Variants in LRBA observed in about 807,000 individuals in gnomAD.
LRBA encodes the protein LPS responsive beige-like anchor protein, also known as lipopolysaccharide-responsive and beige-like anchor protein.
In LRBA, 176 loss-of-function variants were observed where a neutral mutation model predicts 330.0. The ratio of observed to expected loss-of-function variants is 0.53; its 90% CI spans 0.47 to 0.60. The LOEUF (loss-of-function observed/expected upper bound fraction) is 0.60, where lower values mean the gene tolerates loss of function less well. LRBA is among the 20% of genes least tolerant of loss of function. The probability of loss-of-function intolerance (pLI) is 0.00; values close to 1 mark genes in which losing one functional copy is unlikely to be tolerated. For missense variants in LRBA, 3,259 were observed against 3,444.8 expected (o/e 0.95, Z 1.35); for synonymous variants, 1,230 against 1,193.0 (o/e 1.03, Z -0.64).
At chr4:150,549,578 G>A (rs948576909) in intron 40 of LRBA, among the ~76,000 whole-genome samples, 10 of 152,146 alleles carry the variant, frequency 6.6e-5, no homozygotes, top group South Asian at 4.1e-4. Context: ...TGATCTGCCC[G>A]CCTCGGCCTC....
intron 37 of LRBA, among the ~76,000 whole-genome samples, chr4:150,669,710 C>T (rs1368481676): frequency 6.6e-6 from 1 of 151,998 alleles, no homozygotes; most frequent in Non-Finnish European, 1.5e-5. Context: ...AGATTACAGT[C>T]ATGCACCACC....
At chr4:150,453,380 T>C (rs933084060) in intron 44 of LRBA, among the ~76,000 whole-genome samples, 9 of 152,186 alleles carry the variant, frequency 5.9e-5, no homozygotes, top group African/African-American at 1.9e-4. Context: ...TATGGCCGAT[T>C]GATTTCCAAC....
At chr4:150,498,457 T>G (rs1034261760) in intron 40 of LRBA, among the ~76,000 whole-genome samples, 4 of 152,196 alleles carry the variant, frequency 2.6e-5, no homozygotes, top group African/African-American at 7.2e-5. Flanking sequence ...TCATTTTTAA[T>G]TCAGTTTTTA....
At chr4:150,661,750 A>G (rs553226337) in intron 37 of LRBA, among the ~76,000 whole-genome samples, 27 of 152,020 alleles carry the variant, frequency 1.8e-4, no homozygotes, top group Admixed American at 5.9e-4. Flanking sequence ...AGCTGGGATT[A>G]CAGGAGCCCA....
chr4:150,787,687 T>C (rs531267802), intron 34 of LRBA, among the ~76,000 whole-genome samples: 3 of 152,134 alleles, frequency 2.0e-5, no homozygotes, highest in East Asian at 3.9e-4. Context: ...ACTTTTTTCA[T>C]TGTTGTAAAA....
chr4:151,007,984 T>A (rs1744309613), intron 2 of LRBA, among the ~76,000 whole-genome samples: 1 of 152,126 alleles, frequency 6.6e-6, no homozygotes, highest in African/African-American at 2.4e-5. Flanking sequence ...ACACAGGATG[T>A]AAATGCTTTA....
At chr4:150,381,374 C>T (rs1742239715) in intron 47 of LRBA, among the ~76,000 whole-genome samples, 1 of 152,208 alleles carries the variant, frequency 6.6e-6, no homozygotes, top group African/African-American at 2.4e-5. Flanking sequence ...CACCCTCACA[C>T]CCTGACAACC....
At chr4:150,776,498 G>T (rs1737351065) in intron 34 of LRBA, among the ~76,000 whole-genome samples, 2 of 152,122 alleles carry the variant, frequency 1.3e-5, no homozygotes, top group Admixed American at 1.3e-4. Flanking sequence ...TTTATTTGAT[G>T]AAAAATAAAT....
At chr4:150,484,337 C>T (rs564778720) in intron 42 of LRBA, among the ~76,000 whole-genome samples, 1 of 151,912 alleles carries the variant, frequency 6.6e-6, no homozygotes, top group Non-Finnish European at 1.5e-5. Flanking sequence ...AATTCAATTT[C>T]CTTTGTAGAA....
intron 2 of LRBA, among the ~76,000 whole-genome samples, chr4:151,005,895 T>C (rs918290875): frequency 8.1e-5 from 12 of 147,872 alleles, no homozygotes; most frequent in Non-Finnish European, 1.6e-4. Context: ...TGAGCCACCA[T>C]GCCCGGCAAC....
intron 44 of LRBA, among the ~76,000 whole-genome samples, chr4:150,463,688 C>T (rs1185914617): frequency 6.6e-6 from 1 of 151,902 alleles, no homozygotes; most frequent in Non-Finnish European, 1.5e-5. Flanking sequence ...AAGTATTTCA[C>T]AAGTTCCTTA....
At chr4:150,718,888 A>G (rs1019916904) in intron 36 of LRBA, among the ~76,000 whole-genome samples, 2 of 152,132 alleles carry the variant, frequency 1.3e-5, no homozygotes, top group African/African-American at 2.4e-5. Flanking sequence ...AACCAAATTC[A>G]TAGATTAGTA....
intron 2 of LRBA, among the ~76,000 whole-genome samples, chr4:150,978,128 T>C (rs564206323): frequency 6.6e-6 from 1 of 152,272 alleles, no homozygotes; most frequent in Non-Finnish European, 1.5e-5. Context: ...ACAGTCCCAA[T>C]GGTGGTGGCC....
At chr4:150,524,843 G>C (rs1298549214) in intron 40 of LRBA, among the ~76,000 whole-genome samples, 1 of 152,112 alleles carries the variant, frequency 6.6e-6, no homozygotes, top group East Asian at 1.9e-4. Context: ...GATTCAAAAA[G>C]TGACTGAATC....
At chr4:150,909,388 T>C (rs1731716458) in intron 9 of LRBA, among the ~76,000 whole-genome samples, 2 of 152,218 alleles carry the variant, frequency 1.3e-5, no homozygotes, top group African/African-American at 4.8e-5. Context: ...TGTCTTTTTG[T>C]GACCCAAGCA....
chr4:150,842,736 T>C (rs1749275425), intron 28 of LRBA, among the ~76,000 whole-genome samples: 1 of 152,216 alleles, frequency 6.6e-6, no homozygotes, highest in Non-Finnish European at 1.5e-5. Flanking sequence ...AAACTCACTT[T>C]CACCTCTTAC....
chr4:150,932,551 C>T (rs941801948), intron 2 of LRBA, among the ~76,000 whole-genome samples: 2 of 151,992 alleles, frequency 1.3e-5, no homozygotes, highest in African/African-American at 4.8e-5. Context: ...ATAGTATGTG[C>T]AAGAACATGA....
At chr4:150,838,197 G>A (rs1199007935) in intron 28 of LRBA, among the ~76,000 whole-genome samples, 1 of 152,154 alleles carries the variant, frequency 6.6e-6, no homozygotes, top group African/African-American at 2.4e-5. Context: ...TGGGTAACCC[G>A]ATCTTTCTCT....
At chr4:150,412,420 G>A (rs560504153) in intron 47 of LRBA, among the ~76,000 whole-genome samples, 2 of 152,278 alleles carry the variant, frequency 1.3e-5, no homozygotes, top group East Asian at 3.9e-4. Context: ...TACTTGTAAA[G>A]CAATTACGTA....
Sources: allele counts gnomAD v4.1 joint callset (sites outside exome capture counted in the v4.1 genomes callset), GRCh38; gene constraint gnomAD v4.1.1; transcripts MANE v1.5; gene names NCBI Gene and HGNC (gene_info 2026-07-23, HGNC 2026-07-21).